The following FNDC3B variants were observed in gnomAD, a reference collection of about 807,000 sequenced individuals.
FNDC3B encodes the protein fibronectin type III domain containing 3B.
In FNDC3B, 12 loss-of-function variants were observed where a neutral mutation model predicts 151.5. That is an observed-to-expected ratio of 0.08 (90% CI 0.05 to 0.13). FNDC3B has a LOEUF of 0.13. Among genes scored for constraint, FNDC3B ranks in the 10% least tolerant of loss-of-function variants. The probability of loss-of-function intolerance (pLI) is 1.00; values close to 1 mark genes in which losing one functional copy is unlikely to be tolerated. For synonymous variants in FNDC3B, 528 were observed against 549.0 expected, an observed-to-expected ratio of 0.96 and a Z score of 0.54; for missense variants, 1,214 against 1,505.3, an observed-to-expected ratio of 0.81 and a Z score of 3.20.
rs565492322 is a variant in FNDC3B, at chr3:172,046,174, A to T, written c.-29+6403A>T. 3.3e-5 allele frequency among the ~76,000 whole-genome samples: 5 copies of T among 152,248 alleles called. No individual in the cohort carries two copies. In the East Asian group the frequency reaches 9.6e-4, roughly 29 times the overall value. On this transcript the variant is annotated intron_variant, in intron 1 of 25. Coordinates refer to ENST00000415807, the MANE Select transcript of FNDC3B (RefSeq NM_022763.4). ...ATCAGCCATCTACATACAGATGAGG[A>T]TGTTTGTCAGTTTGAAAATGGATCG...
intron 3 of FNDC3B, among the ~76,000 whole-genome samples, chr3:172,198,522 C>T (rs1370431711): frequency 6.6e-6 from 1 of 152,198 alleles, no homozygotes; most frequent in African/African-American, 2.4e-5. Context: ...TGTAAAACTT[C>T]TACCATTTCT....
intron 1 of FNDC3B, among the ~76,000 whole-genome samples, chr3:172,060,855 A>G: frequency 6.6e-6 from 1 of 152,366 alleles, no homozygotes; most frequent in Admixed American, 6.5e-5. Flanking sequence ...ACATGTTCTA[A>G]TTATAATTCT....
intron 4 of FNDC3B, among the ~76,000 whole-genome samples, chr3:172,246,167 C>T (rs1171905204): frequency 6.6e-6 from 1 of 151,460 alleles, no homozygotes; most frequent in Non-Finnish European, 1.5e-5. Context: ...TATAGAAGGT[C>T]AGTTTTGTGC....
intron 3 of FNDC3B, among the ~76,000 whole-genome samples, chr3:172,152,660 CT>C (rs1722292512): frequency 6.7e-6 from 1 of 148,654 alleles, no homozygotes; most frequent in Non-Finnish European, 1.5e-5. Context: ...AGCCCTTCCC[CT>C]GATAGCAGAG....
intron 1 of FNDC3B, among the ~76,000 whole-genome samples, chr3:172,077,701 G>A (rs1326921414): frequency 6.6e-6 from 1 of 151,736 alleles, no homozygotes; most frequent in Non-Finnish European, 1.5e-5. Context: ...AAAGGCTCCC[G>A]TTTATAGAAA....
chr3:172,332,030 G>A (rs1051039570), intron 13 of FNDC3B, among the ~76,000 whole-genome samples: 3 of 152,174 alleles, frequency 2.0e-5, no homozygotes, highest in Non-Finnish European at 4.4e-5. Flanking sequence ...GAGTGCGGTG[G>A]TGCAATCTTG....
chr3:172,176,112 T>G (rs746100865), intron 3 of FNDC3B, among the ~76,000 whole-genome samples: 6 of 152,232 alleles, frequency 3.9e-5, no homozygotes, highest in Admixed American at 2.6e-4. Context: ...TGAAAAGGCC[T>G]TTGATTAGTT....
chr3:172,241,588 G>A (rs1016792560), intron 4 of FNDC3B, among the ~76,000 whole-genome samples: 1 of 151,890 alleles, frequency 6.6e-6, no homozygotes, highest in African/African-American at 2.4e-5. Flanking sequence ...GCTTGTGCAA[G>A]GAGATTCCTG....
At chr3:172,384,704 A>G (rs1465316669) in intron 25 of FNDC3B, among the ~76,000 whole-genome samples, 4 of 152,214 alleles carry the variant, frequency 2.6e-5, no homozygotes, top group Non-Finnish European at 5.9e-5. Flanking sequence ...CTTGATACCT[A>G]TACACATCAG....
intron 3 of FNDC3B, among the ~76,000 whole-genome samples, chr3:172,146,650 G>GT (rs758094475): frequency 3.3e-5 from 5 of 152,208 alleles, no homozygotes; most frequent in Admixed American, 6.5e-5. Context: ...TACAGGCTGT[G>GT]TACCTGTGGC....
chr3:172,252,979 A>G (rs1560041332), intron 6 of FNDC3B, among the ~76,000 whole-genome samples: 1 of 152,324 alleles, frequency 6.6e-6, no homozygotes, highest in South Asian at 2.1e-4. Flanking sequence ...TTTATTAGCA[A>G]TGTTACAATT....
At chr3:172,132,315 A>G (rs1389027611) in intron 2 of FNDC3B, among the ~76,000 whole-genome samples, 1 of 152,248 alleles carries the variant, frequency 6.6e-6, no homozygotes, top group Non-Finnish European at 1.5e-5. Flanking sequence ...TGAATGTGAC[A>G]CTGACATCCT....
intron 3 of FNDC3B, among the ~76,000 whole-genome samples, chr3:172,158,123 T>C (rs1293459911): frequency 6.6e-6 from 1 of 152,198 alleles, no homozygotes; most frequent in East Asian, 1.9e-4. Context: ...TCCAGAACCA[T>C]GAGCAATACA....
chr3:172,091,909 T>TGTG, intron 1 of FNDC3B, among the ~76,000 whole-genome samples: 1 of 148,518 alleles, frequency 6.7e-6, no homozygotes, highest in Non-Finnish European at 1.5e-5. Context: ...TGTGTGTGTG[T>TGTG]TAGGGAGGTG....
intron 2 of FNDC3B, among the ~76,000 whole-genome samples, chr3:172,114,674 C>T (rs1395217200): frequency 6.6e-6 from 1 of 152,030 alleles, no homozygotes; most frequent in African/African-American, 2.4e-5. Flanking sequence ...TCCCTTGAGC[C>T]CAGGAGTTTG....
At chr3:172,100,852 G>A (rs1719345597) in intron 1 of FNDC3B, among the ~76,000 whole-genome samples, 1 of 152,160 alleles carries the variant, frequency 6.6e-6, no homozygotes, top group Admixed American at 6.5e-5. Context: ...CAATGTATCA[G>A]ACAGTGTTCT....
At chr3:172,332,959 C>A (rs1036584656) in intron 13 of FNDC3B, 130 bp from the exon 14 acceptor site, 2 of 726,994 alleles carry the variant, frequency 2.8e-6, no homozygotes, top group Admixed American at 2.2e-5. Flanking sequence ...TTCTCTTTTG[C>A]GGTAGCTGCC....
intron 6 of FNDC3B, among the ~76,000 whole-genome samples, chr3:172,279,503 T>C (rs1256339362): frequency 6.6e-6 from 1 of 152,250 alleles, no homozygotes; most frequent in Admixed American, 6.5e-5. Context: ...TTTTTCGGTG[T>C]TGAGAGTCTG....
chr3:172,045,112 A>G (rs909992415), intron 1 of FNDC3B, among the ~76,000 whole-genome samples: 2 of 152,226 alleles, frequency 1.3e-5, no homozygotes, highest in African/African-American at 4.8e-5. Flanking sequence ...ATAGTTCATT[A>G]TATTCCAGAG....
Sources: allele counts gnomAD v4.1 joint callset (sites outside exome capture counted in the v4.1 genomes callset), GRCh38; gene constraint gnomAD v4.1.1; transcripts MANE v1.5; gene names NCBI Gene and HGNC (gene_info 2026-07-23, HGNC 2026-07-21).